The following NAA20 variants were observed in gnomAD, a reference collection of about 807,000 sequenced individuals.
The protein encoded by NAA20 is N-alpha-acetyltransferase 20, NatB catalytic subunit.
In NAA20, 24 loss-of-function variants were observed where a neutral mutation model predicts 23.8. That is an observed-to-expected ratio of 1.01 (90% CI 0.73 to 1.42). The LOEUF (loss-of-function observed/expected upper bound fraction) is 1.42, where lower values mean the gene tolerates loss of function less well. Among genes scored for constraint, NAA20 ranks in the 40% most tolerant of loss-of-function variants. The pLI is 0.00. For missense variants in NAA20, 166 were observed against 223.1 expected (o/e 0.74, Z 1.63); for synonymous variants, 83 against 77.7 (o/e 1.07, Z -0.36).
rs1196322132 is a variant in NAA20 at position 20,033,169 on chromosome 20, G to A, written c.519G>A (p.Arg173=). 2 of 1,612,918 alleles carry A rather than the reference G, an allele frequency of 1.2e-6. No individual in the cohort carries two copies. Among genetic ancestry groups the A allele is most frequent in the South Asian group, 2.2e-5 (2 of 91,042 alleles). ...KSIIPLPHPV[R]PEDIE ...TCATACCATTACCTCATCCTGTGAG[G>A]CCTGAAGACATTGAATAACCCTGGG... The change falls in exon 6 of 6, where the codon AGG becomes AGA. Residue 173 remains arginine (R), a synonymous_variant. Transcript: ENST00000334982.
At chr20:20,017,551 C>G in intron 1 of NAA20, 102 bp downstream of exon 1, 1 of 1,449,680 alleles carries the variant, frequency 6.9e-7, no homozygotes, top group South Asian at 1.4e-5. Flanking sequence ...GACCCCAAGC[C>G]CGGACGGGGA....
At chr20:20,032,982 G>A in intron 5 of NAA20, 120 bp from the exon 6 acceptor site, 1 of 793,196 alleles carries the variant, frequency 1.3e-6, no homozygotes, top group Non-Finnish European at 2.0e-6. Flanking sequence ...AATACATTTT[G>A]CTTAGAATAT....
At chr20:20,017,729 G>C (rs1056810715) in intron 1 of NAA20, 5 of 1,430,718 alleles carry the variant, frequency 3.5e-6, no homozygotes, top group Non-Finnish European at 2.7e-6. Flanking sequence ...GGCAGCGCTC[G>C]GGCCTCCGCT....
chr20:20,017,691 C>T, intron 1 of NAA20: 4 of 1,425,346 alleles, frequency 2.8e-6, no homozygotes, highest in East Asian at 2.5e-5. Context: ...AACTTTGTCT[C>T]TGGACCCTGC....
At chr20:20,018,995 T>A (rs2043250522) in intron 1 of NAA20, 11 of 928,604 alleles carry the variant, frequency 1.2e-5, no homozygotes, top group African/African-American at 1.8e-5. Flanking sequence ...GATCCACTGC[T>A]CTGGAGTGGG....
chr20:20,021,252 C>T (rs1281811362), intron 1 of NAA20, among the ~76,000 whole-genome samples: 1 of 152,004 alleles, frequency 6.6e-6, no homozygotes, highest in Non-Finnish European at 1.5e-5. Context: ...GTTTGGGGTC[C>T]CCAAGATTGT....
intron 3 of NAA20, among the ~76,000 whole-genome samples, chr20:20,026,149 C>CA (rs2043304726): frequency 6.6e-6 from 1 of 152,014 alleles, no homozygotes; most frequent in Non-Finnish European, 1.5e-5. Flanking sequence ...ACTAAAAATA[C>CA]AAAAAATTAG....
Position 20,032,606 on chromosome 20 carries a change from T to TA in NAA20, c.405dup (p.Glu136ArgfsTer11). On this transcript the variant is annotated frameshift_variant, in exon 5 of 6. Coordinates refer to ENST00000334982, the MANE Select transcript of NAA20 (RefSeq NM_016100.5). LOFTEE classifies it high-confidence loss of function. The stretch of plus-strand genomic sequence containing the variant: ...GGCTACAGTGTATATAGGACGGTCA[T>TA]AGAGTACTATTCGGCCAGCAACGGG... 1.2e-6 allele frequency: 2 copies of TA among 1,612,198 alleles called. No homozygotes were observed. The highest frequency in any genetic ancestry group is 1.1e-5 in the South Asian group (1 of 90,650).
At chr20:20,031,079 T>C (rs1296894159) in intron 4 of NAA20, among the ~76,000 whole-genome samples, 1 of 152,182 alleles carries the variant, frequency 6.6e-6, no homozygotes, top group African/African-American at 2.4e-5. Flanking sequence ...GCAGTCAAAA[T>C]CCCAAGCATT....
chr20:20,017,638 A>G, intron 1 of NAA20, 189 bp downstream of exon 1: 1 of 1,318,750 alleles, frequency 7.6e-7, no homozygotes, highest in Non-Finnish European at 1.0e-6. Context: ...GTGGGCCTGG[A>G]GTCGACGCAC....
At chr20:20,017,732 C>A in intron 1 of NAA20, 1 of 1,431,726 alleles carries the variant, frequency 7.0e-7, no homozygotes. Flanking sequence ...AGCGCTCGGG[C>A]CTCCGCTCGT....
intron 1 of NAA20, among the ~76,000 whole-genome samples, chr20:20,020,330 G>C (rs1484924910): frequency 6.6e-6 from 1 of 152,176 alleles, no homozygotes; most frequent in Non-Finnish European, 1.5e-5. Flanking sequence ...TTTAGTTTGG[G>C]GGTTCAGGGA....
At chr20:20,018,078 C>T (rs769792406) in intron 1 of NAA20, 1 of 1,614,036 alleles carries the variant, frequency 6.2e-7, no homozygotes, top group Non-Finnish European at 8.5e-7. Context: ...TAGCTGCGCA[C>T]CCCGGTGTAC....
intron 2 of NAA20, chr20:20,022,711 A>T (rs2043278523): frequency 4.6e-6 from 2 of 437,852 alleles, no homozygotes; most frequent in Non-Finnish European, 8.0e-6. Flanking sequence ...GTAACATCAT[A>T]GCTCCCCTGC....
chr20:20,023,899 A>G (rs933229460), intron 2 of NAA20, among the ~76,000 whole-genome samples: 1 of 152,256 alleles, frequency 6.6e-6, no homozygotes, highest in Non-Finnish European at 1.5e-5. Context: ...GCACTTTGGA[A>G]ATAGTAATTC....
chr20:20,025,448 TAGAC>T (rs1376230743), intron 2 of NAA20, among the ~76,000 whole-genome samples: 1 of 152,214 alleles, frequency 6.6e-6, no homozygotes, highest in African/African-American at 2.4e-5. Context: ...TGCTTTCTAT[TAGAC>T]AGTGCTATCA....
intron 4 of NAA20, among the ~76,000 whole-genome samples, chr20:20,030,980 T>C (rs530556915): frequency 3.9e-5 from 6 of 152,302 alleles, no homozygotes; most frequent in African/African-American, 9.6e-5. Flanking sequence ...TTGAGAGATA[T>C]TAAAGTAGCC....
intron 1 of NAA20, among the ~76,000 whole-genome samples, chr20:20,021,052 G>A (rs1423382632): frequency 7.7e-5 from 5 of 64,750 alleles, no homozygotes; most frequent in East Asian, 1.1e-3. Context: ...GGGGGGGGGG[G>A]ACTTTGGCAA....
chr20:20,024,243 G>T (rs2043292154), intron 2 of NAA20, among the ~76,000 whole-genome samples: 1 of 152,174 alleles, frequency 6.6e-6, no homozygotes, highest in Non-Finnish European at 1.5e-5. Flanking sequence ...TCAGGAGATG[G>T]TTAAGTAAAT....
Sources: allele counts gnomAD v4.1 joint callset (sites outside exome capture counted in the v4.1 genomes callset), GRCh38; gene constraint gnomAD v4.1.1; transcripts MANE v1.5; gene names NCBI Gene and HGNC (gene_info 2026-07-23, HGNC 2026-07-21).